The following ADGRL3 variants were observed in gnomAD, a reference collection of about 807,000 sequenced individuals.
The protein encoded by ADGRL3 is adhesion G protein-coupled receptor L3, also known as calcium-independent alpha-latrotoxin receptor 3.
In ADGRL3, 62 loss-of-function variants were observed where a neutral mutation model predicts 153.5. That is an observed-to-expected ratio of 0.40 (90% CI 0.33 to 0.50). ADGRL3 has a LOEUF of 0.50. Among genes scored for constraint, ADGRL3 ranks in the 20% least tolerant of loss-of-function variants. The pLI is 0.47. For synonymous variants in ADGRL3, 710 were observed against 672.5 expected, an observed-to-expected ratio of 1.06 and a Z score of -0.86; for missense variants, 1,641 against 1,859.4, an observed-to-expected ratio of 0.88 and a Z score of 2.16.
At chr4:61,651,838 G>T in intron 5 of ADGRL3, among the ~76,000 whole-genome samples, 1 of 147,654 alleles carries the variant, frequency 6.8e-6, no homozygotes, top group Non-Finnish European at 1.5e-5. Flanking sequence ...GGATGACCTC[G>T]ATCTCCTGAC....
intron 4 of ADGRL3, among the ~76,000 whole-genome samples, chr4:61,578,139 C>T (rs1025615897): frequency 6.6e-6 from 1 of 151,942 alleles, no homozygotes; most frequent in Non-Finnish European, 1.5e-5. Context: ...CTTGTATTTC[C>T]TTACATATTT....
intron 1 of ADGRL3, among the ~76,000 whole-genome samples, chr4:61,216,990 A>G (rs1191627659): frequency 6.6e-6 from 1 of 152,194 alleles, no homozygotes; most frequent in African/African-American, 2.4e-5. Flanking sequence ...GTGGGTCTTT[A>G]AATTGTTCTG....
intron 2 of ADGRL3, among the ~76,000 whole-genome samples, chr4:61,480,652 G>A (rs1480905968): frequency 2.0e-5 from 3 of 151,926 alleles, no homozygotes; most frequent in East Asian, 1.9e-4. Context: ...GCGGGGTTTC[G>A]GGTGCCTATA....
At chr4:61,825,061 T>C (rs2097788649) in intron 9 of ADGRL3, among the ~76,000 whole-genome samples, 1 of 152,156 alleles carries the variant, frequency 6.6e-6, no homozygotes, top group Admixed American at 6.5e-5. Context: ...CAAGAAGCAC[T>C]TTTCTCTTTG....
At chr4:61,431,994 T>G in intron 2 of ADGRL3, among the ~76,000 whole-genome samples, 1 of 152,168 alleles carries the variant, frequency 6.6e-6, no homozygotes, top group East Asian at 1.9e-4. Context: ...GTTGCTACCA[T>G]TTGTAGTATT....
chr4:61,792,917 A>G (rs1396122589), intron 8 of ADGRL3, among the ~76,000 whole-genome samples: 9 of 151,608 alleles, frequency 5.9e-5, no homozygotes, highest in Non-Finnish European at 1.3e-4. Flanking sequence ...ACTGGTACCA[A>G]TTTACTGTAT....
chr4:61,606,212 A>C (rs1638397591), intron 5 of ADGRL3, among the ~76,000 whole-genome samples: 1 of 152,170 alleles, frequency 6.6e-6, no homozygotes, highest in Admixed American at 6.5e-5. Context: ...ATGTGAAGTG[A>C]ACTAATGCAG....
At chr4:61,744,102 G>A (rs1000958348) in intron 8 of ADGRL3, among the ~76,000 whole-genome samples, 3 of 152,126 alleles carry the variant, frequency 2.0e-5, no homozygotes, top group Admixed American at 1.3e-4. Context: ...ATGGAGTCTC[G>A]CTGATTGCTA....
At chr4:61,452,045 T>A (rs1190338279) in intron 2 of ADGRL3, among the ~76,000 whole-genome samples, 1 of 152,206 alleles carries the variant, frequency 6.6e-6, no homozygotes, top group Non-Finnish European at 1.5e-5. Flanking sequence ...TTGTTCAGAT[T>A]ACCCTTTTTC....
chr4:61,690,727 G>C (rs940542379), intron 6 of ADGRL3, among the ~76,000 whole-genome samples: 10 of 151,526 alleles, frequency 6.6e-5, no homozygotes, highest in Non-Finnish European at 1.5e-4. Context: ...GATTCATTCT[G>C]ATTGCTCAAG....
chr4:61,253,716 T>C (rs201700854), intron 1 of ADGRL3, among the ~76,000 whole-genome samples: 161 of 72,492 alleles, frequency 2.2e-3, no homozygotes, highest in African/African-American at 7.6e-3. Context: ...CACACACATA[T>C]ATACATATAT....
At chr4:61,224,541 C>T (rs1747059334) in intron 1 of ADGRL3, among the ~76,000 whole-genome samples, 1 of 152,150 alleles carries the variant, frequency 6.6e-6, no homozygotes, top group African/African-American at 2.4e-5. Context: ...TCTTATATTT[C>T]TTAAGGCCAG....
At position 61,381,105 on chromosome 4, in the gene ADGRL3, T is replaced by C. The variant is rs1248864932; in HGVS notation, c.-239-2019T>C. Among the ~76,000 whole-genome samples the C allele has an allele frequency of 3.3e-5, 5 of 151,942 alleles. No individual in the cohort carries two copies. In the East Asian group the frequency reaches 9.7e-4, roughly 29 times the overall value. The stretch of plus-strand genomic sequence containing the variant: ...TCTCAAGTGTCATAAGTGGCTGTAA[T>C]TGAGAAAGGCATTGAGATGTTGAAT... On this transcript the variant is annotated intron_variant, in intron 1 of 26. Coordinates refer to ENST00000683033, the MANE Select transcript of ADGRL3 (RefSeq NM_001387552.1).
chr4:62,052,092 A>G (rs28486047), intron 25 of ADGRL3, among the ~76,000 whole-genome samples: 4,007 of 151,648 alleles, frequency 0.026, 184 homozygotes, highest in African/African-American at 0.093. Context: ...TTATATCCAT[A>G]AAGACACTGA....
At chr4:61,982,515 G>T (rs1443512676) in intron 18 of ADGRL3, among the ~76,000 whole-genome samples, 3 of 152,124 alleles carry the variant, frequency 2.0e-5, no homozygotes, top group African/African-American at 4.8e-5. Flanking sequence ...CGGTAAGTTT[G>T]TTGACCTTTT....
intron 2 of ADGRL3, among the ~76,000 whole-genome samples, chr4:61,415,994 C>G (rs1405198525): frequency 2.6e-5 from 4 of 152,004 alleles, no homozygotes; most frequent in African/African-American, 9.7e-5. Context: ...ACCTTTTTCT[C>G]CATCTGTCTC....
intron 2 of ADGRL3, among the ~76,000 whole-genome samples, chr4:61,464,288 T>A (rs2097855490): frequency 6.6e-6 from 1 of 152,166 alleles, no homozygotes; most frequent in South Asian, 2.1e-4. Context: ...CTGACTATAG[T>A]TTTTAAAAGT....
intron 1 of ADGRL3, among the ~76,000 whole-genome samples, chr4:61,275,644 T>C (rs903221319): frequency 3.9e-5 from 6 of 152,170 alleles, no homozygotes; most frequent in African/African-American, 1.2e-4. Flanking sequence ...AGCATGCATG[T>C]TTCAGTTTGG....
chr4:61,778,937 A>G (rs555736625), intron 8 of ADGRL3, among the ~76,000 whole-genome samples: 1 of 152,168 alleles, frequency 6.6e-6, no homozygotes, highest in African/African-American at 2.4e-5. Context: ...GGGCATCTGT[A>G]ATCCCAGCTA....
Sources: allele counts gnomAD v4.1 joint callset (sites outside exome capture counted in the v4.1 genomes callset), GRCh38; gene constraint gnomAD v4.1.1; transcripts MANE v1.5; gene names NCBI Gene and HGNC (gene_info 2026-07-23, HGNC 2026-07-21).